CSGALNACT1: variants seen among roughly 807,000 people sequenced by gnomAD.
The protein encoded by CSGALNACT1 is chondroitin sulfate N-acetylgalactosaminyltransferase 1, also known as beta4GalNAcT-1.
CSGALNACT1 carries 52 observed loss-of-function variants against 51.0 expected under a neutral mutation model. The ratio of observed to expected loss-of-function variants is 1.02; its 90% CI spans 0.82 to 1.29. CSGALNACT1 has a LOEUF of 1.29. Ranked by LOEUF, CSGALNACT1 falls within the 50% of genes most tolerant of loss-of-function variation. The probability of loss-of-function intolerance (pLI) is 0.00; values close to 1 mark genes in which losing one functional copy is unlikely to be tolerated. For synonymous variants in CSGALNACT1, 341 were observed against 254.4 expected (o/e 1.34, Z -3.24); for missense variants, 935 against 679.2 (o/e 1.38, Z -4.19).
chr8:19,635,968 G>C (rs532674966), intron 1 of CSGALNACT1, among the ~76,000 whole-genome samples: 1 of 152,280 alleles, frequency 6.6e-6, no homozygotes, highest in East Asian at 1.9e-4. Context: ...GACCTCAGAT[G>C]ATCCACCTGC....
chr8:19,529,118 G>A (rs753002035), intron 3 of CSGALNACT1, among the ~76,000 whole-genome samples: 3 of 152,196 alleles, frequency 2.0e-5, no homozygotes, highest in Non-Finnish European at 2.9e-5. Context: ...AGTAAGCTGA[G>A]AACTGCAACA....
chr8:19,657,499 C>A (rs918397345), intron 1 of CSGALNACT1, among the ~76,000 whole-genome samples: 9 of 152,162 alleles, frequency 5.9e-5, no homozygotes, highest in African/African-American at 2.2e-4. Flanking sequence ...ATAGACACCA[C>A]AGAACACCAA....
chr8:19,733,448 C>T (rs544192382), intron 1 of CSGALNACT1, among the ~76,000 whole-genome samples: 1 of 152,042 alleles, frequency 6.6e-6, no homozygotes, highest in Non-Finnish European at 1.5e-5. Context: ...AAATCAATTC[C>T]CTATGCAGGA....
intron 1 of CSGALNACT1, among the ~76,000 whole-genome samples, chr8:19,706,618 T>C (rs768899954): frequency 4.6e-5 from 7 of 152,050 alleles, no homozygotes; most frequent in Non-Finnish European, 1.0e-4. Flanking sequence ...TAAATAGCAA[T>C]AATAAATGTT....
At chr8:19,659,305 C>T (rs886131247) in intron 1 of CSGALNACT1, among the ~76,000 whole-genome samples, 1 of 152,204 alleles carries the variant, frequency 6.6e-6, no homozygotes. Context: ...CCATTGGTCA[C>T]TCTTGATTTC....
intron 4 of CSGALNACT1, among the ~76,000 whole-genome samples, chr8:19,481,802 A>G (rs2153922467): frequency 6.6e-6 from 1 of 152,338 alleles, no homozygotes; most frequent in South Asian, 2.1e-4. Context: ...CCCAGACTTA[A>G]GCCAACAAAC....
chr8:19,639,969 C>G (rs1229688727), intron 1 of CSGALNACT1, among the ~76,000 whole-genome samples: 1 of 151,774 alleles, frequency 6.6e-6, no homozygotes. Context: ...GCAGCCCAGA[C>G]CTCCCTGGGC....
At chr8:19,555,368 T>C (rs2089463131) in intron 3 of CSGALNACT1, among the ~76,000 whole-genome samples, 1 of 152,126 alleles carries the variant, frequency 6.6e-6, no homozygotes, top group African/African-American at 2.4e-5. Context: ...GGAATGTTTG[T>C]TGTGATGCAG....
chr8:19,480,215 G>C lies in CSGALNACT1; in HGVS notation c.635-21573C>G, dbSNP rs181723251. Among the ~76,000 whole-genome samples the C allele has an allele frequency of 8.0e-4, 122 of 152,272 alleles. No individual in the cohort carries two copies. The East Asian group carries it at 0.017, about 21-fold the overall frequency. On this transcript the variant is annotated intron_variant, in intron 4 of 9. Transcript: ENST00000454498. ...TTGTACAGATTATTTCATCACCCCA[G>C]TATTAAGCCTAGTACCTATTATTTT... is the stretch of plus-strand genomic sequence containing the variant.
chr8:19,652,772 C>A (rs1311424434), intron 1 of CSGALNACT1, among the ~76,000 whole-genome samples: 1 of 152,132 alleles, frequency 6.6e-6, no homozygotes, highest in Non-Finnish European at 1.5e-5. Context: ...ATCGTCTTTG[C>A]CAAAATCAAT....
intron 1 of CSGALNACT1, among the ~76,000 whole-genome samples, chr8:19,716,290 C>T (rs766818981): frequency 6.6e-6 from 1 of 152,084 alleles, no homozygotes; most frequent in African/African-American, 2.4e-5. Context: ...TCTCTGTGCA[C>T]TCGGCATATC....
intron 3 of CSGALNACT1, among the ~76,000 whole-genome samples, chr8:19,537,686 T>C (rs2154065777): frequency 1.3e-5 from 2 of 152,120 alleles, no homozygotes; most frequent in South Asian, 4.1e-4. Context: ...AGTTGACAAA[T>C]CCATAAGCAA....
At chr8:19,625,219 G>A (rs946638008) in intron 1 of CSGALNACT1, among the ~76,000 whole-genome samples, 6 of 152,170 alleles carry the variant, frequency 3.9e-5, no homozygotes, top group Non-Finnish European at 7.3e-5. Flanking sequence ...CACACATCAC[G>A]CTGTTTCTTC....
chr8:19,614,708 T>C (rs1176998681), intron 1 of CSGALNACT1, among the ~76,000 whole-genome samples: 1 of 152,190 alleles, frequency 6.6e-6, no homozygotes, highest in Non-Finnish European at 1.5e-5. Context: ...TCAGAGAAGG[T>C]TGAAACTAGA....
chr8:19,547,903 G>A (rs2086866567), intron 3 of CSGALNACT1, among the ~76,000 whole-genome samples: 1 of 152,222 alleles, frequency 6.6e-6, no homozygotes, highest in Non-Finnish European at 1.5e-5. Flanking sequence ...GGATTTGGGT[G>A]TGTTGCCAGG....
chr8:19,528,863 C>T (rs902178886), intron 3 of CSGALNACT1, among the ~76,000 whole-genome samples: 2 of 152,144 alleles, frequency 1.3e-5, no homozygotes, highest in Non-Finnish European at 2.9e-5. Flanking sequence ...CCTAGATACC[C>T]CAAACGCTAA....
chr8:19,662,664 A>G (rs2058861129), intron 1 of CSGALNACT1, among the ~76,000 whole-genome samples: 1 of 152,190 alleles, frequency 6.6e-6, no homozygotes, highest in South Asian at 2.1e-4. Flanking sequence ...TGTGCCTGCT[A>G]AGTGGATGCT....
At chr8:19,496,338 A>T (rs1418409022) in intron 4 of CSGALNACT1, among the ~76,000 whole-genome samples, 3 of 152,198 alleles carry the variant, frequency 2.0e-5, no homozygotes, top group Non-Finnish European at 4.4e-5. Context: ...AGGGACTTCC[A>T]GATTTGGGGT....
At chr8:19,570,223 T>G (rs898882758) in intron 3 of CSGALNACT1, among the ~76,000 whole-genome samples, 1 of 152,158 alleles carries the variant, frequency 6.6e-6, no homozygotes, top group Non-Finnish European at 1.5e-5. Flanking sequence ...TATACCTCAT[T>G]AGAAAGGTAA....
Sources: allele counts gnomAD v4.1 joint callset (sites outside exome capture counted in the v4.1 genomes callset), GRCh38; gene constraint gnomAD v4.1.1; transcripts MANE v1.5; gene names NCBI Gene and HGNC (gene_info 2026-07-23, HGNC 2026-07-21).